The following ZC3H7B variants were observed in gnomAD, a reference collection of about 807,000 sequenced individuals.
ZC3H7B encodes zinc finger CCCH-type containing 7B, also known as zinc finger CCCH domain-containing protein 7B.
ZC3H7B carries 35 observed loss-of-function variants against 116.0 expected under a neutral mutation model. The ratio of observed to expected loss-of-function variants is 0.30; its 90% CI spans 0.23 to 0.40. ZC3H7B has a LOEUF of 0.40. Ranked by LOEUF, ZC3H7B falls within the 10% of genes least tolerant of loss-of-function variation. ZC3H7B has a pLI of 1.00. For synonymous variants in ZC3H7B, 502 were observed against 545.6 expected, an observed-to-expected ratio of 0.92 and a Z score of 1.11; for missense variants, 1,011 against 1,321.5, an observed-to-expected ratio of 0.77 and a Z score of 3.64.
chr22:41,330,498 G>A (rs572047930), intron 6 of ZC3H7B, among the ~76,000 whole-genome samples: 2 of 152,316 alleles, frequency 1.3e-5, no homozygotes, highest in African/African-American at 4.8e-5. Flanking sequence ...ACCTGCCGAG[G>A]GCCAGGAGGC....
chr22:41,342,907 T>C (rs1264630975), intron 12 of ZC3H7B, among the ~76,000 whole-genome samples: 1 of 152,144 alleles, frequency 6.6e-6, no homozygotes, highest in East Asian at 1.9e-4. Context: ...ATGCGGTGGC[T>C]CACACCTGTA....
intron 1 of ZC3H7B, among the ~76,000 whole-genome samples, chr22:41,304,913 A>C (rs1026146252): frequency 6.6e-6 from 1 of 152,106 alleles, no homozygotes; most frequent in African/African-American, 2.4e-5. Flanking sequence ...CCTCTGCACC[A>C]CCTTCCTCTC....
intron 1 of ZC3H7B, among the ~76,000 whole-genome samples, chr22:41,303,152 A>C (rs867171222): frequency 2.7e-4 from 41 of 152,256 alleles, no homozygotes; most frequent in African/African-American, 9.6e-4. Flanking sequence ...TCCACCTCCC[A>C]CAGAAGTTGG....
chr22:41,302,260 GGGGCCGCGGCGA>G lies in ZC3H7B; in HGVS notation c.-7+495_-7+506del, dbSNP rs945729303. Among the ~76,000 whole-genome samples the G allele has an allele frequency of 1.1e-4, 17 of 151,834 alleles. No homozygotes were observed. The highest frequency in any genetic ancestry group is 2.0e-4 in the East Asian group (1 of 5,078). On this transcript the variant is annotated intron_variant, in intron 1 of 22. Transcript: ENST00000352645. The surrounding 1 kb of genome is among the most constrained non-coding windows in gnomAD (Gnocchi z 5.7). ...TGGCCCCGCAGCACCCGGAGTTGGA[GGGGCCGCGGCGA>G]GGGCCGGGGAGCGGGGCCGCCCGAC...
chr22:41,325,862 C>A lies in ZC3H7B; in HGVS notation c.229C>A (p.Pro77Thr). The stretch of plus-strand genomic sequence containing the variant: ...CGCTGCCTCTGACCAGGTGGCCCTG[C>A]CCCGGGAGCTGCTGTGCAAGCTGCA... The part of the protein sequence containing the change: ...DYAASDQVAL[P>T]RELLCKLHVN... Residue 77 changes from proline to threonine, a missense_variant, in exon 4 of 23, where the codon CCC becomes ACC. By Grantham distance (38) the Pro-to-Thr change is conservative (BLOSUM62 -1). This residue lies in a region of ZC3H7B where 322 missense variants were observed against 443.9 expected (regional missense o/e 0.73). Transcript: ENST00000352645. 6.2e-7 allele frequency: 1 copy of A among 1,612,072 alleles called. No individual in the cohort carries two copies. Among genetic ancestry groups the A allele is most frequent in the Non-Finnish European group, 8.5e-7 (1 of 1,179,586 alleles).
chr22:41,342,478 G>A, intron 11 of ZC3H7B, 51 bp from the exon 12 acceptor site: 1 of 1,581,698 alleles, frequency 6.3e-7, no homozygotes, highest in Non-Finnish European at 8.7e-7. Context: ...TGGCCCCAGT[G>A]GCCTCAGCCA....
At chr22:41,347,231 C>T (rs866928884) in intron 14 of ZC3H7B, among the ~76,000 whole-genome samples, 2 of 152,228 alleles carry the variant, frequency 1.3e-5, no homozygotes, top group Non-Finnish European at 2.9e-5. Context: ...CGGGGCTTCC[C>T]CCGCATCCCT....
In ZC3H7B at chr22:41,351,544, G is replaced by GC. The variant is rs1569243429; in HGVS notation, c.1949-12dup. On this transcript the variant is annotated splice_polypyrimidine_tract_variant and intron_variant, in intron 16 of 22. Transcript: ENST00000352645. This position sits in a 1 kb window ranked among gnomAD's most constrained non-coding sequence, Gnocchi z 5.1. Reference sequence around the variant, plus strand: ...AGCACCTTGAAAGATGCCTGTGTCTGCCCCCACCCTCCCCAGGCATGACCC... The same window carrying GC: ...AGCACCTTGAAAGATGCCTGTGTCTGCCCCCCACCCTCCCCAGGCATGACCC... 1 of 1,609,092 alleles carries GC rather than the reference G, an allele frequency of 6.2e-7. No homozygotes were observed.
At chr22:41,320,821 C>A (rs1203833729) in intron 2 of ZC3H7B, 108 bp downstream of exon 2, 4 of 1,482,038 alleles carry the variant, frequency 2.7e-6, no homozygotes, top group African/African-American at 1.4e-5. Context: ...CCTTTGCTGC[C>A]AAGGCTCCTG....
chr22:41,325,831 C>T lies in ZC3H7B; in HGVS notation c.198C>T (p.Ala66=), dbSNP rs767094562. The T allele has an allele frequency of 2.0e-5, 32 of 1,613,068 alleles. No homozygotes were observed. In the African/African-American group the frequency reaches 2.9e-4, roughly 15 times the overall value. ...AGTACATGGAAGGGCTGAACGTGGC[C>T]GACTACGCTGCCTCTGACCAGGTGG... ...LVQYMEGLNV[A]DYAASDQVAL... The change falls in exon 4 of 23, where the codon GCC becomes GCT. Residue 66 remains alanine, a synonymous_variant. Transcript: ENST00000352645.
intron 14 of ZC3H7B, among the ~76,000 whole-genome samples, chr22:41,347,509 G>A (rs946966354): frequency 6.6e-5 from 10 of 152,164 alleles, no homozygotes; most frequent in Non-Finnish European, 1.2e-4. Flanking sequence ...CTTGGCCTCC[G>A]GAGTGAACTT....
intron 17 of ZC3H7B, 139 bp from the exon 18 acceptor site, chr22:41,355,330 G>T: frequency 8.1e-7 from 1 of 1,228,248 alleles, no homozygotes; most frequent in South Asian, 1.5e-5. Flanking sequence ...CTGCAGTTGG[G>T]AGGTCACTGC....
At chr22:41,306,912 C>T (rs2036048843) in intron 1 of ZC3H7B, among the ~76,000 whole-genome samples, 1 of 151,550 alleles carries the variant, frequency 6.6e-6, no homozygotes, top group Non-Finnish European at 1.5e-5. Context: ...GGAGGCTCAG[C>T]CTGGGCTGAT....
Position 41,338,246 on chromosome 22 carries a change from G to A in ZC3H7B, c.583-67G>A, listed in dbSNP as rs777854991. 53 of 1,542,636 alleles carry A rather than the reference G, an allele frequency of 3.4e-5. No individual in the cohort carries two copies. The highest frequency in any genetic ancestry group is 4.6e-5 in the Non-Finnish European group (52 of 1,127,746). On this transcript the variant is annotated intron_variant, in intron 7 of 22. Transcript: ENST00000352645. The surrounding 1 kb of genome is among the most constrained non-coding windows in gnomAD (Gnocchi z 4.5). ...TCAACAGCATAGTCACGTGGGGAGG[G>A]GCTGGTGCTGGGTGCTGGGATCGGG... is the stretch of plus-strand genomic sequence containing the variant.
Position 41,325,802 on chromosome 22 carries a change from G to A in ZC3H7B, c.169G>A (p.Val57Met), listed in dbSNP as rs765690894. 1.2e-6 allele frequency: 2 copies of A among 1,613,854 alleles called. No homozygotes were observed. The highest frequency in any genetic ancestry group is 1.7e-5 in the Admixed American group (1 of 60,000). ...FREKDYKQAL[V>M]QYMEGLNVAD... The stretch of plus-strand genomic sequence containing the variant: ...GGAGAAGGACTATAAGCAGGCTCTG[G>A]TGCAGTACATGGAAGGGCTGAACGT... Residue 57 changes from valine (V) to methionine (M), a missense_variant, in exon 4 of 23, where the codon GTG (valine) becomes ATG (methionine). Around this residue, in one of 5 missense-constraint regions of ZC3H7B, gnomAD observed 322 missense variants for 443.9 expected, o/e 0.73. Coordinates refer to ENST00000352645, the MANE Select transcript of ZC3H7B (RefSeq NM_017590.6).
Position 41,346,123 on chromosome 22 carries a change from A to T in ZC3H7B, c.1580A>T (p.Asp527Val). ...ACCCTCAACCGCGACCTGCTCTTCG[A>T]CCCGCTGGGGGGTGTTAAGCGCGGC... ...KGTLNRDLLF[D>V]PLGGVKRGSL... Residue 527 changes from aspartate to valine, a missense_variant, in exon 14 of 23, where the codon GAC becomes GTC. Asp to Val is a radical substitution (Grantham distance 152, BLOSUM62 -3). This residue lies in a region of ZC3H7B where 179 missense variants were observed against 178.5 expected (regional missense o/e 1.00). Coordinates refer to ENST00000352645, the MANE Select transcript of ZC3H7B (RefSeq NM_017590.6). This position sits in a 1 kb window ranked among gnomAD's most constrained non-coding sequence, Gnocchi z 5.3. 1 of 1,613,480 alleles carries T rather than the reference A, an allele frequency of 6.2e-7. No individual in the cohort carries two copies. The highest frequency in any genetic ancestry group is 8.5e-7 in the Non-Finnish European group (1 of 1,179,990).
Position 41,357,628 on chromosome 22 carries a change from G to A in ZC3H7B, c.*199G>A, listed in dbSNP as rs1000010921. On this transcript the variant is annotated 3_prime_UTR_variant, in exon 23 of 23. Coordinates refer to ENST00000352645, the MANE Select transcript of ZC3H7B (RefSeq NM_017590.6). The surrounding 1 kb of genome is among the most constrained non-coding windows in gnomAD (Gnocchi z 5.4). ...CCAGGCGCACGTGCTGCAGCCCCCG[G>A]AGGCCCCGCTGAAACCTGGGCTGCC... 12 of 759,538 alleles carry A rather than the reference G, an allele frequency of 1.6e-5. No individual in the cohort carries two copies. The highest frequency in any genetic ancestry group is 3.9e-4 in the Middle Eastern group (1 of 2,570). The allele number at this position is 759,538 out of a possible 1,614,324, so 47.0% of individuals were successfully genotyped here. A position where few individuals can be genotyped will look rare whatever the true frequency, so the allele number is the denominator to read the frequency against.
In ZC3H7B at chr22:41,346,407, A is replaced by G. The variant is rs927332973; in HGVS notation, c.1665+199A>G. Among the ~76,000 whole-genome samples the G allele has an allele frequency of 6.6e-6, 1 of 152,224 alleles. No individual in the cohort carries two copies. Among genetic ancestry groups the G allele is most frequent in the Non-Finnish European group, 1.5e-5 (1 of 68,038 alleles). ...TCTTGCTAGAGGCCAGATCTGATCCAGCCCCCTCATTTTGCAGAGGCAGAA... is the reference window on the plus strand; with the variant it reads ...TCTTGCTAGAGGCCAGATCTGATCCGGCCCCCTCATTTTGCAGAGGCAGAA... On this transcript the variant is annotated intron_variant, in intron 14 of 22. Coordinates refer to ENST00000352645, the MANE Select transcript of ZC3H7B (RefSeq NM_017590.6). This position sits in a 1 kb window ranked among gnomAD's most constrained non-coding sequence, Gnocchi z 5.3.
At chr22:41,317,562 G>A (rs1285303908) in intron 1 of ZC3H7B, among the ~76,000 whole-genome samples, 1 of 151,928 alleles carries the variant, frequency 6.6e-6, no homozygotes, top group African/African-American at 2.4e-5. Flanking sequence ...GACTCAGGTG[G>A]GAGGATTTCT....
Sources: gnomAD v4.1 joint callset for allele counts (sites outside exome capture counted in the v4.1 genomes callset) on GRCh38, gnomAD v4.1.1 for gene constraint, gnomAD v4.1.1 regional missense constraint, Gnocchi (gnomAD v3.1) non-coding constraint, MANE v1.5 for transcripts, NCBI Gene and HGNC (gene_info 2026-07-23, HGNC 2026-07-21) for gene names.